Variants in SUPT3H observed in about 807,000 individuals in gnomAD.
The protein encoded by SUPT3H is SPT3 homolog, SAGA and STAGA complex component.
Under a neutral mutation model 44.3 loss-of-function variants are expected in SUPT3H, and 44 were observed. That is an observed-to-expected ratio of 0.99 (90% CI 0.78 to 1.28). The LOEUF (loss-of-function observed/expected upper bound fraction) is 1.28, where lower values mean the gene tolerates loss of function less well. Among genes scored for constraint, SUPT3H ranks in the 50% most tolerant of loss-of-function variants. The probability of loss-of-function intolerance (pLI) is 0.00; values close to 1 mark genes in which losing one functional copy is unlikely to be tolerated. For missense variants in SUPT3H, 380 were observed against 387.1 expected (o/e 0.98, Z 0.15); for synonymous variants, 124 against 125.6 (o/e 0.99, Z 0.09).
intron 2 of SUPT3H, among the ~76,000 whole-genome samples, chr6:45,345,461 C>T (rs1790656012): frequency 6.6e-6 from 1 of 152,090 alleles, no homozygotes; most frequent in Non-Finnish European, 1.5e-5. Flanking sequence ...TTATGATAGA[C>T]TCCTCAACCA....
At chr6:45,314,761 C>T (rs1440859361) in intron 2 of SUPT3H, among the ~76,000 whole-genome samples, 2 of 151,892 alleles carry the variant, frequency 1.3e-5, no homozygotes, top group Admixed American at 6.6e-5. Context: ...AATAGCACCA[C>T]CATTCTCCAC....
chr6:45,190,921 T>C (rs1386924404), intron 2 of SUPT3H, among the ~76,000 whole-genome samples: 1 of 152,116 alleles, frequency 6.6e-6, no homozygotes, highest in Non-Finnish European at 1.5e-5. Context: ...TACCATATGC[T>C]GACAAAGGTG....
chr6:45,281,792 C>A (rs190735273), intron 2 of SUPT3H, among the ~76,000 whole-genome samples: 2 of 152,302 alleles, frequency 1.3e-5, no homozygotes, highest in East Asian at 3.9e-4. Flanking sequence ...ACTGCCTCCT[C>A]AAGTGGGTCC....
intron 2 of SUPT3H, among the ~76,000 whole-genome samples, chr6:45,286,103 G>C (rs1327104213): frequency 6.6e-6 from 1 of 151,100 alleles, no homozygotes; most frequent in Non-Finnish European, 1.5e-5. Context: ...ATTCAAGATG[G>C]ATTAAAGACT....
chr6:45,185,254 T>C (rs949564550), intron 2 of SUPT3H, among the ~76,000 whole-genome samples: 2 of 152,034 alleles, frequency 1.3e-5, no homozygotes, highest in African/African-American at 2.4e-5. Context: ...ATGTCTGTTG[T>C]TAGTGGGACG....
chr6:45,218,524 G>A (rs1765457758), intron 2 of SUPT3H, among the ~76,000 whole-genome samples: 2 of 152,194 alleles, frequency 1.3e-5, no homozygotes, highest in African/African-American at 4.8e-5. Flanking sequence ...GAAGTCGGGA[G>A]TTCGAGACCA....
chr6:45,151,403 A>ATATAGCACTCAT, intron 2 of SUPT3H, among the ~76,000 whole-genome samples: 1 of 152,196 alleles, frequency 6.6e-6, no homozygotes, highest in African/African-American at 2.4e-5. Flanking sequence ...ATACCACCAT[A>ATATAGCACTCAT]TATAGCACTC....
At chr6:44,986,205 T>A (rs1258657982) in intron 6 of SUPT3H, among the ~76,000 whole-genome samples, 2 of 152,178 alleles carry the variant, frequency 1.3e-5, no homozygotes, top group Admixed American at 1.3e-4. Flanking sequence ...TTCCCAATAC[T>A]TTCCTTTTCC....
chr6:44,949,261 G>A (rs980275850), intron 9 of SUPT3H, among the ~76,000 whole-genome samples: 1 of 152,074 alleles, frequency 6.6e-6, no homozygotes, highest in African/African-American at 2.4e-5. Context: ...GAATGGGGAG[G>A]GATAGCATTA....
At chr6:44,944,470 T>C (rs1041354617) in intron 9 of SUPT3H, among the ~76,000 whole-genome samples, 3 of 151,766 alleles carry the variant, frequency 2.0e-5, no homozygotes, top group African/African-American at 4.8e-5. Context: ...AATTAAAAGA[T>C]ACAGATCGGG....
At chr6:45,161,557 A>G (rs893998628) in intron 2 of SUPT3H, among the ~76,000 whole-genome samples, 1 of 152,090 alleles carries the variant, frequency 6.6e-6, no homozygotes, top group Non-Finnish European at 1.5e-5. Context: ...TTTCAAAAGC[A>G]CTTTTGGAAG....
At chr6:45,128,503 CAAAAAAAAAAAAAAAA>C (rs1168489460) in intron 2 of SUPT3H, among the ~76,000 whole-genome samples, 4 of 12,462 alleles carry the variant, frequency 3.2e-4, no homozygotes, top group Non-Finnish European at 3.5e-4. Flanking sequence ...GACTCTGTCT[CAAAAAAAAAAAAAAAA>C]AAAAAAAAAA....
intron 6 of SUPT3H, among the ~76,000 whole-genome samples, chr6:44,989,360 A>G (rs1400019886): frequency 6.6e-6 from 1 of 152,128 alleles, no homozygotes; most frequent in South Asian, 2.1e-4. Flanking sequence ...ATATGTGTGT[A>G]TATCTATTTC....
chr6:44,933,840 G>A (rs1163813131), intron 9 of SUPT3H, among the ~76,000 whole-genome samples: 6 of 152,126 alleles, frequency 3.9e-5, no homozygotes, highest in Non-Finnish European at 8.8e-5. Flanking sequence ...TAGAGATATG[G>A]TCTCGCTATG....
At chr6:44,959,007 C>T (rs1445053045) in intron 7 of SUPT3H, among the ~76,000 whole-genome samples, 3 of 150,686 alleles carry the variant, frequency 2.0e-5, no homozygotes, top group African/African-American at 7.3e-5. Flanking sequence ...TCCCAAGTAG[C>T]TGGGATTACA....
At chr6:45,152,095 C>T (rs1326833014) in intron 2 of SUPT3H, among the ~76,000 whole-genome samples, 2 of 152,076 alleles carry the variant, frequency 1.3e-5, no homozygotes, top group Non-Finnish European at 2.9e-5. Context: ...AACTTTTCCC[C>T]AGAATTCTGG....
At chr6:45,240,486 C>A (rs968714369) in intron 2 of SUPT3H, among the ~76,000 whole-genome samples, 48 of 152,212 alleles carry the variant, frequency 3.2e-4, no homozygotes, top group African/African-American at 1.1e-3. Flanking sequence ...CATAATAAAT[C>A]TGCTCCTATA....
intron 6 of SUPT3H, among the ~76,000 whole-genome samples, chr6:44,969,854 T>C (rs943859553): frequency 6.6e-6 from 1 of 152,214 alleles, no homozygotes; most frequent in Non-Finnish European, 1.5e-5. Context: ...CAATTTTACA[T>C]GTCCAAGGTA....
At chr6:45,175,450 C>A (rs1339280238) in intron 2 of SUPT3H, among the ~76,000 whole-genome samples, 1 of 152,038 alleles carries the variant, frequency 6.6e-6, no homozygotes, top group African/African-American at 2.4e-5. Context: ...GGGGAAACTG[C>A]CCCCATGATT....
Sources: allele counts gnomAD v4.1 joint callset (sites outside exome capture counted in the v4.1 genomes callset), GRCh38; gene constraint gnomAD v4.1.1; transcripts MANE v1.5; gene names NCBI Gene and HGNC (gene_info 2026-07-23, HGNC 2026-07-21).